Variants in CFAP44 observed in about 807,000 individuals in gnomAD.
CFAP44 encodes cilia and flagella associated protein 44, also known as cilia- and flagella-associated protein 44.
A neutral mutation model predicts 216.2 loss-of-function variants in CFAP44; 134 were observed. The observed-to-expected ratio is 0.62, with a 90% CI of 0.54 to 0.72. CFAP44 has a LOEUF of 0.72. Among genes scored for constraint, CFAP44 ranks in the 30% least tolerant of loss-of-function variants. CFAP44 has a pLI of 0.00. For synonymous variants in CFAP44, 700 were observed against 727.6 expected (o/e 0.96, Z 0.61); for missense variants, 2,035 against 2,182.1 (o/e 0.93, Z 1.34).
chr3:113,327,695 A>G lies in CFAP44; in HGVS notation c.4241T>C (p.Leu1414Pro). The change falls in exon 27 of 35, where the codon CTC becomes CCC. Residue 1414 changes from leucine to proline, a missense_variant. Leu to Pro is a moderately conservative substitution (Grantham distance 98). Transcript: ENST00000393845. Reference sequence around the variant, plus strand: ...CTCCTGTTTTTCAAAATTCTTCAGGAGAAGTATTTCTTGAAATAAGGTGAC... The same window carrying G: ...CTCCTGTTTTTCAAAATTCTTCAGGGGAAGTATTTCTTGAAATAAGGTGAC... The part of the protein sequence containing the change: ...HHVTLFQEIL[L>P]LKNFEKQENI... 1.3e-6 allele frequency: 2 copies of G among 1,537,012 alleles called. No homozygotes were observed. Among genetic ancestry groups the G allele is most frequent in the Non-Finnish European group, 1.7e-6 (2 of 1,146,724 alleles).
chr3:113,426,374 C>G (rs1934960555), intron 3 of CFAP44, 97 bp from the exon 4 acceptor site: 1 of 1,299,512 alleles, frequency 7.7e-7, no homozygotes, highest in Non-Finnish European at 1.1e-6. Context: ...CTCCACATGT[C>G]ATGGGAGAGA....
chr3:113,406,893 A>G lies in CFAP44; in HGVS notation c.1005+34T>C, dbSNP rs775800162. 2.6e-6 allele frequency: 4 copies of G among 1,524,536 alleles called. No individual in the cohort carries two copies. The South Asian group carries it at 4.6e-5, about 18-fold the overall frequency. 94.4% of individuals were successfully genotyped at this position (1,524,536 alleles called of 1,614,324 possible). On this transcript the variant is annotated intron_variant, in intron 8 of 34. Transcript: ENST00000393845. ...CTTTCATATATGTACTTGAAAACAC[A>G]ATTTTAATATTGTAGAATAGTAGCT... is the stretch of plus-strand genomic sequence containing the variant.
intron 22 of CFAP44, among the ~76,000 whole-genome samples, chr3:113,354,208 G>A (rs922170701): frequency 6.6e-6 from 1 of 152,174 alleles, no homozygotes; most frequent in Non-Finnish European, 1.5e-5. Flanking sequence ...TGCGGATGGG[G>A]ACAGAGCATC....
At chr3:113,397,707 C>A (rs1328231327) in intron 13 of CFAP44, among the ~76,000 whole-genome samples, 1 of 152,006 alleles carries the variant, frequency 6.6e-6, no homozygotes, top group Non-Finnish European at 1.5e-5. Flanking sequence ...CTTGGTATTA[C>A]TGGATATGGG....
intron 31 of CFAP44, among the ~76,000 whole-genome samples, chr3:113,304,650 A>G (rs932643091): frequency 1.3e-5 from 2 of 152,224 alleles, no homozygotes; most frequent in African/African-American, 4.8e-5. Flanking sequence ...CTCCCTCACC[A>G]ATGAGTAGAG....
intron 22 of CFAP44, among the ~76,000 whole-genome samples, chr3:113,346,596 G>C (rs1434617115): frequency 6.6e-6 from 1 of 151,586 alleles, no homozygotes; most frequent in African/African-American, 2.4e-5. Context: ...CTACAGGATT[G>C]TAAATGCACC....
intron 3 of CFAP44, among the ~76,000 whole-genome samples, 197 bp from the exon 4 acceptor site, chr3:113,426,474 T>A (rs1934962744): frequency 1.3e-5 from 2 of 152,146 alleles, no homozygotes; most frequent in South Asian, 4.1e-4. Flanking sequence ...TGATGTTGTA[T>A]AAGGGACATT....
At chr3:113,370,023 A>G (rs1460094266) in intron 18 of CFAP44, among the ~76,000 whole-genome samples, 1 of 152,206 alleles carries the variant, frequency 6.6e-6, no homozygotes, top group Non-Finnish European at 1.5e-5. Flanking sequence ...TCCCAAGACT[A>G]AACCAGGAAG....
chr3:113,289,249 C>T lies in CFAP44; in HGVS notation c.*2308G>A, dbSNP rs1165406088. ...AATAAAGTAATTCAGTGTTAACTGT[C>T]GTCAATTCCCAAACATGCGGAATGA... On this transcript the variant is annotated 3_prime_UTR_variant, in exon 35 of 35. Coordinates refer to ENST00000393845, the MANE Select transcript of CFAP44 (RefSeq NM_001164496.2). The T allele has an allele frequency of 1.3e-5, 2 of 152,208 alleles. No individual in the cohort carries two copies. Among genetic ancestry groups the T allele is most frequent in the East Asian group, 1.9e-4 (1 of 5,190 alleles). 9.4% of individuals were successfully genotyped at this position (152,208 alleles called of 1,614,324 possible).
intron 32 of CFAP44, among the ~76,000 whole-genome samples, chr3:113,302,456 G>GAAAAAAAAAAAAAAAA (rs1949944461): frequency 5.0e-5 from 3 of 60,354 alleles, no homozygotes; most frequent in African/African-American, 9.2e-5. Flanking sequence ...ACTAGACAAA[G>GAAAAAAAAAAAAAAAA]TAAAAAAAAA....
chr3:113,363,022 AT>A (rs1434767348), intron 21 of CFAP44, 122 bp downstream of exon 21: 22 of 1,388,234 alleles, frequency 1.6e-5, no homozygotes, highest in Middle Eastern at 2.6e-4. Flanking sequence ...GGCTATTGAA[AT>A]TTTGAAAGAA....
chr3:113,431,589 C>T (rs1276501203), intron 2 of CFAP44, among the ~76,000 whole-genome samples: 8 of 152,030 alleles, frequency 5.3e-5, no homozygotes, highest in Non-Finnish European at 1.2e-4. Flanking sequence ...TTGGAAAGAA[C>T]TCTAGTGGTG....
chr3:113,427,427 T>G, intron 2 of CFAP44, 88 bp from the exon 3 acceptor site: 2 of 987,660 alleles, frequency 2.0e-6, no homozygotes, highest in Non-Finnish European at 2.9e-6. Context: ...TTCCTTGTGC[T>G]ATAGATGTAA....
chr3:113,346,141 C>T (rs1950379370), intron 22 of CFAP44, among the ~76,000 whole-genome samples: 1 of 152,236 alleles, frequency 6.6e-6, no homozygotes, highest in South Asian at 2.1e-4. Flanking sequence ...ATTGTAAATG[C>T]ACCAATCAAC....
chr3:113,403,502 C>T (rs1934195265), intron 9 of CFAP44, among the ~76,000 whole-genome samples: 1 of 152,176 alleles, frequency 6.6e-6, no homozygotes, highest in Admixed American at 6.5e-5. Context: ...ATGTTCAGCA[C>T]CTTTGTTCCT....
intron 5 of CFAP44, among the ~76,000 whole-genome samples, chr3:113,417,843 G>C (rs1000948016): frequency 3.9e-5 from 6 of 152,062 alleles, no homozygotes; most frequent in Admixed American, 3.3e-4. Context: ...AAGGAGGTGG[G>C]GGACATGGAT....
intron 29 of CFAP44, among the ~76,000 whole-genome samples, chr3:113,307,655 T>C (rs936097919): frequency 1.2e-4 from 18 of 152,214 alleles, no homozygotes; most frequent in African/African-American, 3.6e-4. Flanking sequence ...ATAGTAGAAG[T>C]TGAATATTAT....
In CFAP44 at chr3:113,430,429, G is replaced by GAAAAAA. The variant is rs754983161; in HGVS notation, c.101-3096_101-3091dup. Among the ~76,000 whole-genome samples the GAAAAAA allele has an allele frequency of 4.8e-3, 355 of 74,102 alleles. 3 individuals carry two copies. The highest frequency in any genetic ancestry group is 0.011 in the South Asian group (20 of 1,844). The allele number at this position is 74,102 out of a possible 152,430, so 48.6% of individuals were successfully genotyped here. On this transcript the variant is annotated intron_variant, in intron 2 of 34. Transcript: ENST00000393845. Reference sequence around the variant, plus strand: ...ACCTCAAGAAGCTGGAAAAATAAATGAAAAAAAAAAAAAAAACAAAGTAAA... The same window carrying GAAAAAA: ...ACCTCAAGAAGCTGGAAAAATAAATGAAAAAAAAAAAAAAAAAAAAAACAAAGTAAA...
intron 15 of CFAP44, among the ~76,000 whole-genome samples, chr3:113,388,355 T>C (rs916665558): frequency 8.6e-5 from 13 of 152,038 alleles, no homozygotes; most frequent in African/African-American, 3.1e-4. Context: ...TTATAAGATA[T>C]TATTTGCAAT....
Sources: allele counts gnomAD v4.1 joint callset (sites outside exome capture counted in the v4.1 genomes callset), GRCh38; gene constraint gnomAD v4.1.1; transcripts MANE v1.5; gene names NCBI Gene and HGNC (gene_info 2026-07-23, HGNC 2026-07-21).